The following PNPLA7 variants were observed in gnomAD, a reference collection of about 807,000 sequenced individuals.
The protein encoded by PNPLA7 is patatin like domain 7, lysophospholipase, also known as patatin-like phospholipase domain-containing protein 7.
PNPLA7 carries 153 observed loss-of-function variants against 161.7 expected under a neutral mutation model. That is an observed-to-expected ratio of 0.95 (90% confidence interval 0.83 to 1.08). The LOEUF is 1.08. Among genes scored for constraint, PNPLA7 ranks in the 50% least tolerant of loss-of-function variants. PNPLA7 has a pLI of 0.00. For synonymous variants in PNPLA7, 809 were observed against 782.1 expected (o/e 1.03, Z -0.57); for missense variants, 1,739 against 1,856.6 (o/e 0.94, Z 1.16).
rs1832695881 is a variant in PNPLA7, at chr9:137,490,167, C to T, written c.2197+2846G>A. ...GGACTGCGGTGGCGCGATCATAGCT[C>T]ACTGTAACCTCGAACTCCGAGGCCC... On this transcript the variant is annotated intron_variant, in intron 20 of 34. Transcript: ENST00000406427. The surrounding 1 kb of genome is among the most constrained non-coding windows in gnomAD (Gnocchi z 4.1). Among the ~76,000 whole-genome samples the T allele has an allele frequency of 6.6e-6, 1 of 152,174 alleles. No homozygotes were observed. The highest frequency in any genetic ancestry group is 1.5e-5 in the Non-Finnish European group (1 of 68,030).
At chr9:137,531,109 C>T (rs1395642768) in intron 8 of PNPLA7, among the ~76,000 whole-genome samples, 1 of 152,120 alleles carries the variant, frequency 6.6e-6, no homozygotes, top group Non-Finnish European at 1.5e-5. Flanking sequence ...AAGAGAGCTA[C>T]ACCACACCAC....
rs569128102 is a variant in PNPLA7 at position 137,520,329 on chromosome 9, T to C, written c.958-286A>G. Among the ~76,000 whole-genome samples, 55 of 152,278 alleles carry C rather than the reference T, an allele frequency of 3.6e-4. No individual in the cohort carries two copies. Among genetic ancestry groups the C allele is most frequent in the African/African-American group, 1.3e-3 (55 of 41,534 alleles). ...TCCAGTTATTCAAGAAAAGGACTGGTCTGTTTAAGGCAACCAAGCTCAGCC... is the reference window on the plus strand; with the variant it reads ...TCCAGTTATTCAAGAAAAGGACTGGCCTGTTTAAGGCAACCAAGCTCAGCC... On this transcript the variant is annotated intron_variant, in intron 10 of 34. Coordinates refer to ENST00000406427, the MANE Select transcript of PNPLA7 (RefSeq NM_001098537.3). The surrounding 1 kb of genome is among the most constrained non-coding windows in gnomAD (Gnocchi z 5.2).
chr9:137,530,875 C>A (rs957998466), intron 8 of PNPLA7, among the ~76,000 whole-genome samples: 1 of 152,146 alleles, frequency 6.6e-6, no homozygotes, highest in Non-Finnish European at 1.5e-5. Context: ...GCCACATAAA[C>A]GAGAACCCAA....
intron 4 of PNPLA7, among the ~76,000 whole-genome samples, chr9:137,544,092 G>A (rs1231295593): frequency 2.0e-5 from 3 of 152,174 alleles, no homozygotes; most frequent in African/African-American, 7.2e-5. Context: ...CCGCTGCCCC[G>A]AAGGCTGACA....
intron 11 of PNPLA7, among the ~76,000 whole-genome samples, chr9:137,517,307 ACACT>A (rs1189655169): frequency 5.1e-5 from 2 of 39,056 alleles, no homozygotes; most frequent in Non-Finnish European, 4.8e-5. Flanking sequence ...ACTCCATCCC[ACACT>A]CACTCACTCC....
At chr9:137,477,489 C>T (rs796258413) in intron 25 of PNPLA7, among the ~76,000 whole-genome samples, 2 of 152,026 alleles carry the variant, frequency 1.3e-5, no homozygotes, top group Admixed American at 6.5e-5. Flanking sequence ...CTCGCTCTGT[C>T]GCCAGGCTGG....
intron 4 of PNPLA7, among the ~76,000 whole-genome samples, chr9:137,545,758 A>G (rs373846961): frequency 3.3e-4 from 51 of 152,346 alleles, no homozygotes; most frequent in Admixed American, 9.8e-4. Flanking sequence ...AGGAGTGACC[A>G]GAAGACAAGA....
intron 20 of PNPLA7, among the ~76,000 whole-genome samples, chr9:137,488,062 A>G (rs1185335688): frequency 6.6e-6 from 1 of 152,230 alleles, no homozygotes; most frequent in East Asian, 1.9e-4. Flanking sequence ...CAATGCACAC[A>G]CACACCAAAG....
At chr9:137,474,478 AG>A (rs1254041982) in intron 25 of PNPLA7, among the ~76,000 whole-genome samples, 5 of 152,182 alleles carry the variant, frequency 3.3e-5, no homozygotes, top group African/African-American at 1.2e-4. Context: ...TGAGCAAGCA[AG>A]GAGGGCACAA....
At chr9:137,534,881 A>G (rs1049766277) in intron 8 of PNPLA7, among the ~76,000 whole-genome samples, 2 of 147,458 alleles carry the variant, frequency 1.4e-5, no homozygotes, top group African/African-American at 5.3e-5. Context: ...AGGGCCAAAC[A>G]CCAGGACCAA....
In PNPLA7 at chr9:137,498,189, C is replaced by G. The variant is rs759301441; in HGVS notation, c.1814G>C (p.Arg605Thr). ...VLGVAHTVVK[R>T]MSSFVRQIDF... is the part of the protein sequence containing the mutation. The stretch of plus-strand genomic sequence containing the variant: ...GATTTGCCGCACGAAGGACGACATC[C>G]TCTTCACCACAGTGTGCGCCACACC... Residue 605 changes from arginine (R) to threonine (T), a missense_variant, in exon 17 of 35, where the codon AGG (arginine) becomes ACG (threonine). Around this residue, in one of 6 missense-constraint regions of PNPLA7, gnomAD observed 481 missense variants for 450.0 expected, o/e 1.07. Transcript: ENST00000406427. 1 of 1,612,876 alleles carries G rather than the reference C, an allele frequency of 6.2e-7. No individual in the cohort carries two copies. The highest frequency in any genetic ancestry group is 8.5e-7 in the Non-Finnish European group (1 of 1,179,976).
Position 137,500,703 on chromosome 9 carries a change from G to C in PNPLA7, c.1745C>G (p.Ala582Gly), listed in dbSNP as rs748912626. 1 of 1,612,314 alleles carries C rather than the reference G, an allele frequency of 6.2e-7. No individual in the cohort carries two copies. Among genetic ancestry groups the C allele is most frequent in the Non-Finnish European group, 8.5e-7 (1 of 1,179,834 alleles). Residue 582 changes from alanine (A) to glycine (G), a missense_variant, in exon 16 of 35, where the codon GCC becomes GGC. Around this residue, in one of 6 missense-constraint regions of PNPLA7, gnomAD observed 481 missense variants for 450.0 expected, o/e 1.07. Transcript: ENST00000406427. This position sits in a 1 kb window ranked among gnomAD's most constrained non-coding sequence, Gnocchi z 5.5. ...CCGTGGGACTCACTCATAGAAGTGG[G>C]CCTTGGAGATGGACAGGAAGCTGCA... ...RDCSFLSISK[A>G]HFYEIMRKQP...
intron 21 of PNPLA7, among the ~76,000 whole-genome samples, chr9:137,481,753 C>CAGCCTGGCCAACAT (rs1832231020): frequency 6.6e-6 from 1 of 152,036 alleles, no homozygotes; most frequent in Non-Finnish European, 1.5e-5. Flanking sequence ...TCAGGAGATC[C>CAGCCTGGCCAACAT]GGTGAAACTC....
chr9:137,525,457 G>A (rs1183328116), intron 8 of PNPLA7, among the ~76,000 whole-genome samples: 1 of 152,198 alleles, frequency 6.6e-6, no homozygotes, highest in African/African-American at 2.4e-5. Context: ...AGAAGTGTGA[G>A]TCGTCTCCAG....
intron 14 of PNPLA7, among the ~76,000 whole-genome samples, chr9:137,502,721 C>CGA (rs1833533544): frequency 8.2e-5 from 1 of 12,142 alleles, no homozygotes; most frequent in South Asian, 3.6e-3. Flanking sequence ...GCGGGGGACG[C>CGA]GGGGGACGGG....
At chr9:137,548,079 A>G (rs1836638428) in intron 1 of PNPLA7, among the ~76,000 whole-genome samples, 1 of 152,192 alleles carries the variant, frequency 6.6e-6, no homozygotes, top group Non-Finnish European at 1.5e-5. Flanking sequence ...ACACCAGTTC[A>G]CATGCCAAAC....
chr9:137,498,193 T>C lies in PNPLA7; in HGVS notation c.1810A>G (p.Lys604Glu), dbSNP rs147800989. ...VVLGVAHTVV[K>E]RMSSFVRQID... ...TGCCGCACGAAGGACGACATCCTCT[T>C]CACCACAGTGTGCGCCACACCCAGG... The change falls in exon 17 of 35, where the codon AAG becomes GAG. Residue 604 changes from lysine to glutamate, a missense_variant. Transcript: ENST00000406427. 18 of 1,612,684 alleles carry C rather than the reference T, an allele frequency of 1.1e-5. No homozygotes were observed. In the African/African-American group the frequency reaches 1.5e-4, roughly 13 times the overall value.
Position 137,480,453 on chromosome 9 carries a change from C to T in PNPLA7, c.2439G>A (p.Trp813Ter), listed in dbSNP as rs1355062723. Residue 813 changes from tryptophan to a stop codon, truncating the protein, a stop_gained, in exon 23 of 35, where the codon TGG (tryptophan) becomes TGA (stop). Coordinates refer to ENST00000406427, the MANE Select transcript of PNPLA7 (RefSeq NM_001098537.3). LOFTEE classifies it high-confidence loss of function. ...TGTGGGTGTCCTCCTGCTGCCCCAGCCAGCTGGACAGCCGGTACTCGTGAA... is the reference window on the plus strand; with the variant it reads ...TGTGGGTGTCCTCCTGCTGCCCCAGTCAGCTGGACAGCCGGTACTCGTGAA... ...DSVHEYRLSS[W>*]LGQQEDTHRI... is the part of the protein sequence containing the mutation. The T allele has an allele frequency of 6.2e-7, 1 of 1,612,062 alleles. No individual in the cohort carries two copies. Among genetic ancestry groups the T allele is most frequent in the Non-Finnish European group, 8.5e-7 (1 of 1,179,008 alleles).
chr9:137,480,834 C>T, intron 22 of PNPLA7, 126 bp downstream of exon 22: 1 of 1,075,534 alleles, frequency 9.3e-7, no homozygotes. Flanking sequence ...CATCAGCCCT[C>T]ACACCACAGT....
Sources: gnomAD v4.1 joint callset for allele counts (sites outside exome capture counted in the v4.1 genomes callset) on GRCh38, gnomAD v4.1.1 for gene constraint, gnomAD v4.1.1 regional missense constraint, Gnocchi (gnomAD v3.1) non-coding constraint, MANE v1.5 for transcripts, NCBI Gene and HGNC (gene_info 2026-07-23, HGNC 2026-07-21) for gene names.